The following ZNF469 variants were observed in gnomAD, a reference collection of about 807,000 sequenced individuals.
The protein encoded by ZNF469 is zinc finger protein 469.
Under a neutral mutation model 1.0 loss-of-function variants are expected in ZNF469, and 1 was observed. That is an observed-to-expected ratio of 1.00 (90% CI 0.35 to 4.73). The LOEUF is 4.73. ZNF469 is among the 30% of genes most tolerant of loss of function. ZNF469 has a pLI of 0.16. For synonymous variants in ZNF469, 2,703 were observed against 2,363.4 expected (o/e 1.14, Z -4.17); for missense variants, 6,100 against 5,356.3 (o/e 1.14, Z -4.33).
the ZNF469 span, among the ~76,000 whole-genome samples, chr16:88,256,252 T>A: frequency 6.6e-6 from 1 of 152,248 alleles, no homozygotes; most frequent in African/African-American, 2.4e-5. Context: ...CATCTTTTGA[T>A]GGCTCTCACA....
the ZNF469 span, among the ~76,000 whole-genome samples, chr16:88,148,963 C>T: frequency 6.6e-6 from 1 of 152,158 alleles, no homozygotes; most frequent in Non-Finnish European, 1.5e-5. Flanking sequence ...GTGGCAGGGA[C>T]CCTCACTGCG....
chr16:88,117,966 G>A, the ZNF469 span, among the ~76,000 whole-genome samples: 14 of 152,180 alleles, frequency 9.2e-5, no homozygotes, highest in Non-Finnish European at 1.5e-4. Flanking sequence ...TTTTTGAGAC[G>A]GAGTCTCGCT....
chr16:88,326,328 C>G, the ZNF469 span, among the ~76,000 whole-genome samples: 1 of 152,212 alleles, frequency 6.6e-6, no homozygotes, highest in East Asian at 1.9e-4. Context: ...TAAGAAGTGA[C>G]CTGCTCCTCC....
the ZNF469 span, among the ~76,000 whole-genome samples, chr16:88,328,712 C>T: frequency 1.3e-5 from 2 of 152,212 alleles, no homozygotes; most frequent in Non-Finnish European, 2.9e-5. Flanking sequence ...CTGGGATGTG[C>T]ACACACAGCT....
chr16:88,374,924 C>G, the ZNF469 span, among the ~76,000 whole-genome samples: 2 of 152,202 alleles, frequency 1.3e-5, no homozygotes, highest in African/African-American at 2.4e-5. Context: ...CTGCCCTGAG[C>G]AAACGCCTGG....
chr16:88,184,780 C>A, the ZNF469 span, among the ~76,000 whole-genome samples: 1 of 152,212 alleles, frequency 6.6e-6, no homozygotes, highest in Admixed American at 6.5e-5. Flanking sequence ...CGACACATTC[C>A]CTCAACCTCG....
At chr16:88,150,682 A>G in the ZNF469 span, among the ~76,000 whole-genome samples, 1 of 138,566 alleles carries the variant, frequency 7.2e-6, no homozygotes, top group South Asian at 2.4e-4. Context: ...TGCCATGAAC[A>G]GGAAGCACCA....
At chr16:88,284,033 G>A in the ZNF469 span, among the ~76,000 whole-genome samples, 21 of 61,746 alleles carry the variant, frequency 3.4e-4, 1 homozygote, top group African/African-American at 1.4e-3. Flanking sequence ...AGTGTGTCCG[G>A]AGTGCCTGAG....
At chr16:88,380,041 A>C (rs1436015555), upstream of ZNF469, among the ~76,000 whole-genome samples, 2 of 152,146 alleles carry the variant, frequency 1.3e-5, no homozygotes, top group African/African-American at 4.8e-5. Flanking sequence ...ATGCATACAC[A>C]TGCAGTCACA....
chr16:88,385,111 C>T (rs1256128259), intron 1 of ZNF469, among the ~76,000 whole-genome samples: 1 of 152,204 alleles, frequency 6.6e-6, no homozygotes, highest in Non-Finnish European at 1.5e-5. Flanking sequence ...CCCCATCCTG[C>T]CACCTTCCCC....
At chr16:88,108,580 C>A in the ZNF469 span, among the ~76,000 whole-genome samples, 1 of 152,322 alleles carries the variant, frequency 6.6e-6, no homozygotes, top group African/African-American at 2.4e-5. Flanking sequence ...AGGATCTTCT[C>A]CCCACCTCTG....
chr16:88,329,455 C>T, the ZNF469 span, among the ~76,000 whole-genome samples: 1 of 152,220 alleles, frequency 6.6e-6, no homozygotes, highest in Admixed American at 6.5e-5. Context: ...CACAGCCAAG[C>T]AGGGGCTGGG....
At chr16:88,244,865 C>G in the ZNF469 span, among the ~76,000 whole-genome samples, 19,603 of 151,376 alleles carry the variant, frequency 0.13, 1,464 homozygotes, top group Middle Eastern at 0.23. Context: ...AGCAGAAAAA[C>G]TTATGGTCCC....
At chr16:88,402,863 G>A (rs1193671679) in intron 1 of ZNF469, among the ~76,000 whole-genome samples, 1 of 152,154 alleles carries the variant, frequency 6.6e-6, no homozygotes, top group African/African-American at 2.4e-5. Context: ...GGCAGCGGTT[G>A]GCCCAGGGTC....
Position 88,433,608 on chromosome 16 carries a change from G to C in ZNF469, c.6138G>C (p.Met2046Ile). Residue 2046 changes from methionine to isoleucine, a missense_variant, in exon 3 of 3, where the codon ATG becomes ATC. Transcript: ENST00000565624. ...LEKCKGSRAA[M>I]SLQEEAEPTP... ...AATGCAAGGGAAGCAGGGCAGCCATGAGCCTTCAGGAGGAGGCCGAGCCCA... is the reference window on the plus strand; with the variant it reads ...AATGCAAGGGAAGCAGGGCAGCCATCAGCCTTCAGGAGGAGGCCGAGCCCA... 6.5e-7 allele frequency: 1 copy of C among 1,550,328 alleles called. No homozygotes were observed. The highest frequency in any genetic ancestry group is 1.2e-5 in the South Asian group (1 of 84,060).
chr16:88,427,825 C>G lies in ZNF469; in HGVS notation c.355C>G (p.Arg119Gly). 1 of 1,548,660 alleles carries G rather than the reference C, an allele frequency of 6.5e-7. No individual in the cohort carries two copies. The highest frequency in any genetic ancestry group is 8.7e-7 in the Non-Finnish European group (1 of 1,146,796). Residue 119 changes from arginine to glycine, a missense_variant, in exon 3 of 3, where the codon CGC (arginine) becomes GGC (glycine). Coordinates refer to ENST00000565624, the MANE Select transcript of ZNF469 (RefSeq NM_001367624.2). ...CAGGGCAGAGGGCAGCCCCCCACAGCGCTACATTCTGGGCATCGCCAGCTC... is the reference window on the plus strand; with the variant it reads ...CAGGGCAGAGGGCAGCCCCCCACAGGGCTACATTCTGGGCATCGCCAGCTC... The part of the protein sequence containing the change: ...AGRAEGSPPQ[R>G]YILGIASSRT...
the ZNF469 span, among the ~76,000 whole-genome samples, chr16:88,117,805 A>C: frequency 6.6e-6 from 1 of 152,140 alleles, no homozygotes; most frequent in Non-Finnish European, 1.5e-5. Context: ...GACCTGTCGG[A>C]GTGACTGTGA....
chr16:88,393,626 G>A (rs983029367), intron 1 of ZNF469, among the ~76,000 whole-genome samples: 2 of 152,162 alleles, frequency 1.3e-5, no homozygotes, highest in Admixed American at 6.5e-5. Context: ...AGGGGTTCGG[G>A]TGGGGGTCAG....
the ZNF469 span, among the ~76,000 whole-genome samples, chr16:88,305,395 C>G: frequency 1.3e-5 from 2 of 149,920 alleles, no homozygotes; most frequent in Non-Finnish European, 3.0e-5. Flanking sequence ...CTCACATGTG[C>G]ACACACACGC....
Sources: gnomAD v4.1 joint callset for allele counts (sites outside exome capture counted in the v4.1 genomes callset) on GRCh38, gnomAD v4.1.1 for gene constraint, MANE v1.5 for transcripts, NCBI Gene and HGNC (gene_info 2026-07-23, HGNC 2026-07-21) for gene names.